Variants in COL14A1 observed in about 807,000 individuals in gnomAD.
COL14A1 encodes the protein collagen alpha-1(XIV) chain.
Under a neutral mutation model 230.3 loss-of-function variants are expected in COL14A1, and 136 were observed. That is an observed-to-expected ratio of 0.59 (90% CI 0.51 to 0.68). The LOEUF is 0.68. Ranked by LOEUF, COL14A1 falls within the 30% of genes least tolerant of loss-of-function variation. COL14A1 has a pLI of 0.00. For synonymous variants in COL14A1, 792 were observed against 784.1 expected (o/e 1.01, Z -0.17); for missense variants, 1,976 against 2,215.8 (o/e 0.89, Z 2.17).
At chr8:120,370,575 C>T (rs868745652) in intron 47 of COL14A1, 4 of 1,457,104 alleles carry the variant, frequency 2.7e-6, no homozygotes, top group African/African-American at 1.4e-5. Context: ...CGGAACTTAA[C>T]CAAATCATAT....
chr8:120,291,366 C>A (rs369277551), intron 34 of COL14A1, among the ~76,000 whole-genome samples: 1 of 151,964 alleles, frequency 6.6e-6, no homozygotes, highest in Non-Finnish European at 1.5e-5. Context: ...TCAAGACCGT[C>A]CTGTCTAACA....
At chr8:120,343,333 C>A (rs1228081707) in intron 44 of COL14A1, among the ~76,000 whole-genome samples, 3 of 152,162 alleles carry the variant, frequency 2.0e-5, no homozygotes, top group African/African-American at 7.2e-5. Context: ...CCCAATAGCA[C>A]CCCCACTTCC....
At position 120,256,948 on chromosome 8, in the gene COL14A1, A is replaced by G. The variant is rs147389441; in HGVS notation, c.2869+1592A>G. Among the ~76,000 whole-genome samples, 195 of 152,352 alleles carry G rather than the reference A, an allele frequency of 1.3e-3. 1 individual carries two copies. Among genetic ancestry groups the G allele is most frequent in the African/African-American group, 4.3e-3 (179 of 41,590 alleles). ...CTTTCATAAAAATTTATCACTATAT[A>G]TGTTGACACAACGATGTATAAAAAC... On this transcript the variant is annotated intron_variant, in intron 23 of 47. Transcript: ENST00000297848.
intron 26 of COL14A1, 36 bp from the exon 27 acceptor site, chr8:120,278,075 C>CGCT (rs1299473825): frequency 6.4e-7 from 1 of 1,571,852 alleles, no homozygotes; most frequent in Non-Finnish European, 8.6e-7. Context: ...TGGAAGTCTA[C>CGCT]ATATGTGTGA....
intron 22 of COL14A1, 132 bp from the exon 23 acceptor site, chr8:120,255,108 T>C: frequency 1.4e-6 from 1 of 721,418 alleles, no homozygotes; most frequent in Non-Finnish European, 2.5e-6. Context: ...ACTAACTCAT[T>C]GTAAATTGAT....
intron 1 of COL14A1, among the ~76,000 whole-genome samples, chr8:120,141,730 T>C (rs897448276): frequency 6.6e-5 from 10 of 152,276 alleles, no homozygotes; most frequent in African/African-American, 2.4e-4. Flanking sequence ...TAAGTATTGC[T>C]TCAAAACACT....
intron 22 of COL14A1, among the ~76,000 whole-genome samples, chr8:120,252,056 A>C (rs1026484006): frequency 6.6e-6 from 1 of 152,164 alleles, no homozygotes; most frequent in Non-Finnish European, 1.5e-5. Flanking sequence ...CAAGGTGTAG[A>C]TACATAGATC....
rs144654632 is a variant in COL14A1, at chr8:120,309,924, G to A, written c.4402-85G>A. On this transcript the variant is annotated intron_variant, in intron 36 of 47. Transcript: ENST00000297848. ...TGGCCTTTACATAAAATAATAATGA[G>A]TTAATTCATACTATTAAGGAAAATG... is the stretch of plus-strand genomic sequence containing the variant. The A allele has an allele frequency of 1.5e-3, 1,900 of 1,293,112 alleles. 15 individuals are homozygous for A. In the African/African-American group the frequency reaches 0.019, roughly 13 times the overall value. The allele number at this position is 1,293,112 out of a possible 1,614,324, so 80.1% of individuals were successfully genotyped here.
intron 40 of COL14A1, among the ~76,000 whole-genome samples, chr8:120,317,802 A>G (rs1043228197): frequency 6.6e-6 from 1 of 152,194 alleles, no homozygotes; most frequent in Non-Finnish European, 1.5e-5. Context: ...GTGTTCCTCT[A>G]TAGGATTAAA....
rs560928044 is a variant in COL14A1 at position 120,175,643 on chromosome 8, T to C, written c.436+7396T>C. Among the ~76,000 whole-genome samples, 81 of 152,322 alleles carry C rather than the reference T, an allele frequency of 5.3e-4. No homozygotes were observed. The South Asian group carries it at 0.016, about 30-fold the overall frequency. Reference sequence around the variant, plus strand: ...TGGAACACAGCTATGCTCATTCCTTTACATATTGTCTATGGCTGCCGTCCC... The same window carrying C: ...TGGAACACAGCTATGCTCATTCCTTCACATATTGTCTATGGCTGCCGTCCC... On this transcript the variant is annotated intron_variant, in intron 5 of 47. Transcript: ENST00000297848.
At chr8:120,314,485 T>G (rs563871638) in intron 38 of COL14A1, among the ~76,000 whole-genome samples, 5 of 152,216 alleles carry the variant, frequency 3.3e-5, no homozygotes, top group Non-Finnish European at 7.3e-5. Context: ...AGAGTTTAGA[T>G]TTTTAGATGA....
intron 23 of COL14A1, among the ~76,000 whole-genome samples, chr8:120,262,381 G>T (rs1819361025): frequency 6.6e-6 from 1 of 152,000 alleles, no homozygotes; most frequent in South Asian, 2.1e-4. Context: ...GCTGAGGCAG[G>T]CGCATTGCTT....
Position 120,162,508 on chromosome 8 carries a change from A to G in COL14A1, c.288A>G (p.Thr96=), listed in dbSNP as rs1815713693. The part of the protein sequence containing the change: ...IQGLMPDQNY[T]VQIIAYNKDK... ...GCCTTATGCCAGACCAGAATTACAC[A>G]GTTCAAATTATTGCATACAATAAAG... Residue 96 remains threonine, a synonymous_variant, in exon 4 of 48, where the codon ACA becomes ACG. Transcript: ENST00000297848. The G allele has an allele frequency of 6.2e-7, 1 of 1,612,632 alleles. No homozygotes were observed. Among genetic ancestry groups the G allele is most frequent in the Non-Finnish European group, 8.5e-7 (1 of 1,179,294 alleles).
At chr8:120,193,181 C>G (rs1209362044) in intron 5 of COL14A1, among the ~76,000 whole-genome samples, 5 of 152,146 alleles carry the variant, frequency 3.3e-5, no homozygotes, top group East Asian at 1.9e-4. Flanking sequence ...GTGGTTTTAT[C>G]TACTTTTGGT....
chr8:120,267,071 C>T (rs1026792988), intron 25 of COL14A1, 188 bp downstream of exon 25: 5 of 555,012 alleles, frequency 9.0e-6, no homozygotes, highest in Non-Finnish European at 1.6e-5. Flanking sequence ...ATTCTGCACA[C>T]AAAGAGTGGA....
At chr8:120,165,371 G>A (rs1303910259) in intron 4 of COL14A1, among the ~76,000 whole-genome samples, 1 of 152,196 alleles carries the variant, frequency 6.6e-6, no homozygotes, top group Non-Finnish European at 1.5e-5. Context: ...TAAAACATAA[G>A]AAATGATGTT....
At chr8:120,337,023 A>T (rs192851091) in intron 42 of COL14A1, among the ~76,000 whole-genome samples, 30 of 152,362 alleles carry the variant, frequency 2.0e-4, no homozygotes, top group Non-Finnish European at 3.8e-4. Context: ...AAATTCTATC[A>T]TATTCTTGTG....
chr8:120,192,085 A>G (rs1816845954), intron 5 of COL14A1, among the ~76,000 whole-genome samples: 1 of 151,990 alleles, frequency 6.6e-6, no homozygotes, highest in African/African-American at 2.4e-5. Context: ...TGATCCTGTC[A>G]TTATGATGTT....
In COL14A1 at chr8:120,345,117, G is replaced by A. The variant is rs10095413; in HGVS notation, c.4889-258G>A. ...AAATTTACAACTTCTGCTCAGTGAT[G>A]TTTATTGAGATGCTGACATGAGCTG... On this transcript the variant is annotated intron_variant, in intron 44 of 47. Coordinates refer to ENST00000297848, the MANE Select transcript of COL14A1 (RefSeq NM_021110.4). Among the ~76,000 whole-genome samples, 904 of 152,290 alleles carry A rather than the reference G, an allele frequency of 5.9e-3. 13 individuals are homozygous for A. Among genetic ancestry groups the A allele is most frequent in the African/African-American group, 0.019 (807 of 41,552 alleles).
Sources: gnomAD v4.1 joint callset for allele counts (sites outside exome capture counted in the v4.1 genomes callset) on GRCh38, gnomAD v4.1.1 for gene constraint, MANE v1.5 for transcripts, NCBI Gene and HGNC (gene_info 2026-07-23, HGNC 2026-07-21) for gene names.